Variants in LHFPL3 observed in about 807,000 individuals in gnomAD.
LHFPL3 encodes LHFPL tetraspan subfamily member 3.
LHFPL3 carries 5 observed loss-of-function variants against 19.3 expected under a neutral mutation model. That is an observed-to-expected ratio of 0.26 (90% CI 0.14 to 0.54). The LOEUF (loss-of-function observed/expected upper bound fraction) is 0.54, where lower values mean the gene tolerates loss of function less well. Among genes scored for constraint, LHFPL3 ranks in the 20% least tolerant of loss-of-function variants. The pLI is 0.94. For missense variants in LHFPL3, 249 were observed against 307.4 expected (o/e 0.81, Z 1.42); for synonymous variants, 133 against 126.2 (o/e 1.05, Z -0.36).
At chr7:104,345,444 T>A (rs1790047023) in intron 1 of LHFPL3, among the ~76,000 whole-genome samples, 1 of 152,220 alleles carries the variant, frequency 6.6e-6, no homozygotes, top group East Asian at 1.9e-4. Context: ...TTACCAAGTT[T>A]GTTAATTTTT....
chr7:104,576,636 G>GC (rs1790343925), intron 1 of LHFPL3, among the ~76,000 whole-genome samples: 1 of 151,786 alleles, frequency 6.6e-6, no homozygotes, highest in African/African-American at 2.4e-5. Flanking sequence ...AGAGAGTTGG[G>GC]TTTTTTTGTT....
chr7:104,440,377 A>G (rs1393038513), intron 1 of LHFPL3, among the ~76,000 whole-genome samples: 1 of 151,664 alleles, frequency 6.6e-6, no homozygotes. Flanking sequence ...GAATACTTGG[A>G]CACAGGAAGG....
chr7:104,719,724 G>T lies in LHFPL3; in HGVS notation c.446-16951G>T, dbSNP rs1793452398. 5.9e-5 allele frequency among the ~76,000 whole-genome samples: 9 copies of T among 152,158 alleles called. No homozygotes were observed. In the South Asian group the frequency reaches 1.9e-3, roughly 32 times the overall value. On this transcript the variant is annotated intron_variant, in intron 1 of 2. Transcript: ENST00000424859. ...TGCCAAGATTCTATAAGTGTTCTTAGTGCTAAAACCAATATTCGAAAGTGA... is the reference window on the plus strand; with the variant it reads ...TGCCAAGATTCTATAAGTGTTCTTATTGCTAAAACCAATATTCGAAAGTGA...
At chr7:104,400,814 A>G (rs60067926) in intron 1 of LHFPL3, among the ~76,000 whole-genome samples, 6,209 of 152,268 alleles carry the variant, frequency 0.041, 439 homozygotes, top group African/African-American at 0.14. Flanking sequence ...CACACTTTTC[A>G]TAAGAACTGT....
intron 1 of LHFPL3, among the ~76,000 whole-genome samples, chr7:104,583,749 C>A (rs1790508669): frequency 6.6e-6 from 1 of 151,860 alleles, no homozygotes; most frequent in Admixed American, 6.6e-5. Context: ...AAATCAAAAC[C>A]ACAATGAGAT....
intron 1 of LHFPL3, among the ~76,000 whole-genome samples, chr7:104,695,232 G>A (rs1397305327): frequency 6.6e-6 from 1 of 152,068 alleles, no homozygotes; most frequent in East Asian, 1.9e-4. Flanking sequence ...CTCCCAAAGG[G>A]CTGCAATTAC....
At chr7:104,877,889 A>G (rs1017413622) in intron 2 of LHFPL3, among the ~76,000 whole-genome samples, 6 of 151,342 alleles carry the variant, frequency 4.0e-5, no homozygotes, top group Non-Finnish European at 8.8e-5. Flanking sequence ...GCTCGAGTGC[A>G]GTGGTGCAAT....
intron 2 of LHFPL3, among the ~76,000 whole-genome samples, chr7:104,755,956 A>C (rs1176707639): frequency 6.6e-6 from 1 of 152,130 alleles, no homozygotes; most frequent in African/African-American, 2.4e-5. Context: ...TGGCCTCCCA[A>C]AGTGCTGGGA....
In LHFPL3 at chr7:104,577,921, A is replaced by C. The variant is rs564084271; in HGVS notation, c.446-158754A>C. On this transcript the variant is annotated intron_variant, in intron 1 of 2. Transcript: ENST00000424859. ...CTTTCTTTTCCCCCTCAACTATGGG[A>C]AAGTGAGAAAAATACATTTGGATCT... Among the ~76,000 whole-genome samples, 105 of 152,328 alleles carry C rather than the reference A, an allele frequency of 6.9e-4. 2 individuals are homozygous for C. In the South Asian group the frequency reaches 0.015, roughly 22 times the overall value.
At position 104,441,148 on chromosome 7, in the gene LHFPL3, C is replaced by T. The variant is rs549701482; in HGVS notation, c.445+111924C>T. Among the ~76,000 whole-genome samples, 26 of 152,288 alleles carry T rather than the reference C, an allele frequency of 1.7e-4. No homozygotes were observed. In the South Asian group the frequency reaches 1.9e-3, roughly 11 times the overall value. On this transcript the variant is annotated intron_variant, in intron 1 of 2. Coordinates refer to ENST00000424859, the MANE Select transcript of LHFPL3 (RefSeq NM_199000.3). ...GTACAGCACATCTCTACAACTTACT[C>T]ATCTTTCAGAACTAAAATTTTAAGC...
chr7:104,429,641 C>CA (rs1791917662), intron 1 of LHFPL3, among the ~76,000 whole-genome samples: 1 of 151,864 alleles, frequency 6.6e-6, no homozygotes, highest in South Asian at 2.1e-4. Context: ...TTATTTCTTG[C>CA]AAAAAGGTCA....
At chr7:104,667,154 G>T (rs1792369885) in intron 1 of LHFPL3, among the ~76,000 whole-genome samples, 1 of 151,350 alleles carries the variant, frequency 6.6e-6, no homozygotes, top group East Asian at 1.9e-4. Context: ...TCACCAGCAT[G>T]GTTTTTTTTT....
In LHFPL3 at chr7:104,453,711, G is replaced by A. The variant is rs1048205109; in HGVS notation, c.445+124487G>A. ...TGGGAGGTGTTTGGATCATAGGGGC[G>A]GGTCCCTCATGAATGGCTTGTGCCA... On this transcript the variant is annotated intron_variant, in intron 1 of 2. Transcript: ENST00000424859. Among the ~76,000 whole-genome samples, 3 of 152,184 alleles carry A rather than the reference G, an allele frequency of 2.0e-5. No homozygotes were observed. The South Asian group carries it at 6.2e-4, about 32-fold the overall frequency.
chr7:104,368,181 G>T (rs1790531007), intron 1 of LHFPL3, among the ~76,000 whole-genome samples: 1 of 152,220 alleles, frequency 6.6e-6, no homozygotes, highest in South Asian at 2.1e-4. Flanking sequence ...AGGAGCCCTT[G>T]CCAGGCAGCT....
At chr7:104,702,490 C>T (rs1281730853) in intron 1 of LHFPL3, among the ~76,000 whole-genome samples, 1 of 152,096 alleles carries the variant, frequency 6.6e-6, no homozygotes, top group African/African-American at 2.4e-5. Flanking sequence ...GTGAATAGGG[C>T]TTATTAAGTG....
intron 1 of LHFPL3, among the ~76,000 whole-genome samples, chr7:104,560,154 G>T (rs1389765075): frequency 7.1e-6 from 1 of 140,550 alleles, no homozygotes; most frequent in Non-Finnish European, 1.5e-5. Flanking sequence ...TTTTTGTTGT[G>T]TCTCTGCCCG....
chr7:104,462,674 A>G (rs775250680), intron 1 of LHFPL3, among the ~76,000 whole-genome samples: 5 of 152,188 alleles, frequency 3.3e-5, no homozygotes, highest in Non-Finnish European at 7.3e-5. Context: ...ATCAATGTTC[A>G]TCAAGGATAT....
At chr7:104,363,990 A>G (rs777138494) in intron 1 of LHFPL3, among the ~76,000 whole-genome samples, 3 of 152,236 alleles carry the variant, frequency 2.0e-5, no homozygotes, top group Non-Finnish European at 2.9e-5. Context: ...TGATTTTCCT[A>G]TGTGGTCTCA....
At chr7:104,668,218 A>T in intron 1 of LHFPL3, 1 of 1,613,456 alleles carries the variant, frequency 6.2e-7, no homozygotes, top group Non-Finnish European at 8.5e-7. Context: ...CTGAGTCTCA[A>T]TGAAGAGTCT....
Sources: gnomAD v4.1 joint callset for allele counts (sites outside exome capture counted in the v4.1 genomes callset) on GRCh38, gnomAD v4.1.1 for gene constraint, MANE v1.5 for transcripts, NCBI Gene and HGNC (gene_info 2026-07-23, HGNC 2026-07-21) for gene names.